The following GALNT17 variants were observed in gnomAD, a reference collection of about 807,000 sequenced individuals.
GALNT17 encodes the protein polypeptide N-acetylgalactosaminyltransferase 17, also known as UDP-GalNAc:polypeptide N-acetylgalactosaminyltransferase-like 3.
GALNT17 carries 29 observed loss-of-function variants against 63.7 expected under a neutral mutation model. The ratio of observed to expected loss-of-function variants is 0.46; its 90% CI spans 0.34 to 0.62. The LOEUF is 0.62. Among genes scored for constraint, GALNT17 ranks in the 20% least tolerant of loss-of-function variants. The pLI is 0.01. For missense variants in GALNT17, 603 were observed against 799.6 expected (o/e 0.75, Z 2.97); for synonymous variants, 305 against 318.3 (o/e 0.96, Z 0.45).
In GALNT17 at chr7:71,306,137, T is replaced by G. The variant is rs531655092; in HGVS notation, c.239-29413T>G. On this transcript the variant is annotated intron_variant, in intron 1 of 10. Transcript: ENST00000333538. Reference sequence around the variant, plus strand: ...TGGGAGGCTGAGGCAGGAGAATCACTTGAACCTAGGCGGCAGAAATAGCAG... The same window carrying G: ...TGGGAGGCTGAGGCAGGAGAATCACGTGAACCTAGGCGGCAGAAATAGCAG... 2.6e-5 allele frequency among the ~76,000 whole-genome samples: 4 copies of G among 152,274 alleles called. No homozygotes were observed. The East Asian group carries it at 5.8e-4, about 22-fold the overall frequency.
chr7:71,149,968 C>A (rs1461042343), intron 1 of GALNT17, among the ~76,000 whole-genome samples: 3 of 152,102 alleles, frequency 2.0e-5, no homozygotes, highest in Non-Finnish European at 4.4e-5. Flanking sequence ...AGGTCCCAGG[C>A]CCTGAAAGTG....
At chr7:71,196,178 G>A (rs752080840) in intron 1 of GALNT17, among the ~76,000 whole-genome samples, 10 of 151,704 alleles carry the variant, frequency 6.6e-5, no homozygotes, top group East Asian at 1.9e-4. Flanking sequence ...TTGCTCTGTC[G>A]CCTAGGCTGG....
At chr7:71,340,309 C>T (rs990844274) in intron 2 of GALNT17, among the ~76,000 whole-genome samples, 21 of 152,138 alleles carry the variant, frequency 1.4e-4, no homozygotes, top group African/African-American at 3.6e-4. Flanking sequence ...ATAGAGGTGG[C>T]CTTGGACAGA....
At chr7:71,248,065 TA>T (rs1236233185) in intron 1 of GALNT17, among the ~76,000 whole-genome samples, 2 of 152,074 alleles carry the variant, frequency 1.3e-5, no homozygotes, top group Non-Finnish European at 2.9e-5. Flanking sequence ...GGGTAATTTA[TA>T]AAGGAAAGAG....
rs145254291 is a variant in GALNT17, at chr7:71,251,181, A to G, written c.239-84369A>G. 6.3e-3 allele frequency among the ~76,000 whole-genome samples: 741 copies of G among 117,632 alleles called. 10 individuals carry two copies. The highest frequency in any genetic ancestry group is 0.021 in the African/African-American group (663 of 30,840). The allele number at this position is 117,632 out of a possible 152,430, so 77.2% of individuals were successfully genotyped here. A position where few individuals can be genotyped will look rare whatever the true frequency, so the allele number is the denominator to read the frequency against. On this transcript the variant is annotated intron_variant, in intron 1 of 10. Coordinates refer to ENST00000333538, the MANE Select transcript of GALNT17 (RefSeq NM_022479.3). ...ATCCCTCCCCCCTCCCCCTTTTGCTATTGGGTGGAGAACTCTGAAAGAGAA... is the reference window on the plus strand; with the variant it reads ...ATCCCTCCCCCCTCCCCCTTTTGCTGTTGGGTGGAGAACTCTGAAAGAGAA...
rs191339520 is a variant in GALNT17, at chr7:71,570,989, C to T, written c.963-296C>T. Among the ~76,000 whole-genome samples, 23 of 151,970 alleles carry T rather than the reference C, an allele frequency of 1.5e-4. No individual in the cohort carries two copies. In the East Asian group the frequency reaches 4.4e-3, roughly 29 times the overall value. On this transcript the variant is annotated intron_variant, in intron 5 of 10. Coordinates refer to ENST00000333538, the MANE Select transcript of GALNT17 (RefSeq NM_022479.3). Reference sequence around the variant, plus strand: ...GCAAAACTCCGACTCAAAACAAAAACAAAAACAAAAAACAGCCTTACAGAG... The same window carrying T: ...GCAAAACTCCGACTCAAAACAAAAATAAAAACAAAAAACAGCCTTACAGAG...
At chr7:71,709,376 TC>T (rs1412032702) in intron 9 of GALNT17, among the ~76,000 whole-genome samples, 1 of 152,218 alleles carries the variant, frequency 6.6e-6, no homozygotes, top group African/African-American at 2.4e-5. Flanking sequence ...GAGTGTCTGT[TC>T]ATGTCCTTTG....
chr7:71,298,409 G>A (rs1791123184), intron 1 of GALNT17, among the ~76,000 whole-genome samples: 1 of 152,196 alleles, frequency 6.6e-6, no homozygotes, highest in Non-Finnish European at 1.5e-5. Flanking sequence ...AGGATATATA[G>A]TATATATAAA....
intron 5 of GALNT17, among the ~76,000 whole-genome samples, chr7:71,421,976 G>T (rs988186755): frequency 6.6e-6 from 1 of 151,808 alleles, no homozygotes; most frequent in Non-Finnish European, 1.5e-5. Flanking sequence ...AAGCAAGGAG[G>T]TTGAATGAAA....
At chr7:71,274,385 T>C (rs1316608008) in intron 1 of GALNT17, among the ~76,000 whole-genome samples, 2 of 152,192 alleles carry the variant, frequency 1.3e-5, no homozygotes, top group Admixed American at 6.5e-5. Flanking sequence ...GCACAAGTGA[T>C]CCTCCTGCCT....
At chr7:71,429,782 T>C (rs1786826067) in intron 5 of GALNT17, among the ~76,000 whole-genome samples, 2 of 152,172 alleles carry the variant, frequency 1.3e-5, no homozygotes, top group African/African-American at 4.8e-5. Context: ...TCTCAGCTCA[T>C]TGCAATCTCC....
chr7:71,707,931 G>T (rs1791743000), intron 9 of GALNT17, among the ~76,000 whole-genome samples: 1 of 152,210 alleles, frequency 6.6e-6, no homozygotes, highest in African/African-American at 2.4e-5. Context: ...GATGGAAATT[G>T]CTTCAAAGCC....
At chr7:71,140,928 G>A (rs902948151) in intron 1 of GALNT17, among the ~76,000 whole-genome samples, 32 of 152,164 alleles carry the variant, frequency 2.1e-4, no homozygotes, top group African/African-American at 2.2e-4. Flanking sequence ...GGCTGAGGTG[G>A]GAGGAACGCT....
chr7:71,204,709 G>T (rs1789238809), intron 1 of GALNT17, among the ~76,000 whole-genome samples: 1 of 151,692 alleles, frequency 6.6e-6, no homozygotes, highest in Non-Finnish European at 1.5e-5. Context: ...GAAACTACCG[G>T]CATGCACCAC....
chr7:71,429,160 C>T (rs1786815197), intron 5 of GALNT17, among the ~76,000 whole-genome samples: 1 of 152,074 alleles, frequency 6.6e-6, no homozygotes, highest in African/African-American at 2.4e-5. Flanking sequence ...CACGAAGAGC[C>T]CTGTTTTAAC....
intron 1 of GALNT17, among the ~76,000 whole-genome samples, chr7:71,199,060 G>A (rs1442733751): frequency 1.3e-5 from 2 of 152,216 alleles, no homozygotes; most frequent in African/African-American, 2.4e-5. Flanking sequence ...CTATGTGGCC[G>A]CGGCCTCTAT....
chr7:71,708,928 A>G (rs753582691), intron 9 of GALNT17, among the ~76,000 whole-genome samples: 1 of 152,210 alleles, frequency 6.6e-6, no homozygotes, highest in Admixed American at 6.5e-5. Flanking sequence ...TCCATGGTGT[A>G]TAGGTACCAC....
chr7:71,247,127 A>G (rs1790113653), intron 1 of GALNT17, among the ~76,000 whole-genome samples: 1 of 152,094 alleles, frequency 6.6e-6, no homozygotes, highest in Admixed American at 6.5e-5. Context: ...TTATTTCTCT[A>G]GTTCCTTGAA....
chr7:71,314,154 T>C (rs1791460213), intron 1 of GALNT17, among the ~76,000 whole-genome samples: 1 of 152,166 alleles, frequency 6.6e-6, no homozygotes, highest in African/African-American at 2.4e-5. Context: ...GAAATATTTT[T>C]TTATGTGTAA....
Sources: allele counts gnomAD v4.1 joint callset (sites outside exome capture counted in the v4.1 genomes callset), GRCh38; gene constraint gnomAD v4.1.1; transcripts MANE v1.5; gene names NCBI Gene and HGNC (gene_info 2026-07-23, HGNC 2026-07-21).